Variants in TNKS observed in about 807,000 individuals in gnomAD.
The protein encoded by TNKS is tankyrase, also known as poly [ADP-ribose] polymerase tankyrase-1.
TNKS carries 72 observed loss-of-function variants against 135.8 expected under a neutral mutation model. That is an observed-to-expected ratio of 0.53 (90% CI 0.44 to 0.64). The LOEUF is 0.64. TNKS is among the 30% of genes least tolerant of loss of function. The pLI, the probability that TNKS is intolerant of heterozygous loss-of-function variation, is 0.00. For synonymous variants in TNKS, 849 were observed against 649.3 expected, an observed-to-expected ratio of 1.31 and a Z score of -4.68; for missense variants, 1,769 against 1,674.0, an observed-to-expected ratio of 1.06 and a Z score of -0.99.
intron 2 of TNKS, among the ~76,000 whole-genome samples, chr8:9,590,355 G>C (rs533951804): frequency 1.9e-4 from 29 of 152,270 alleles, no homozygotes; most frequent in Non-Finnish European, 3.8e-4. Context: ...TAATTCATCT[G>C]AGTTGTGCCC....
At chr8:9,693,094 A>G (rs1014303401) in intron 5 of TNKS, among the ~76,000 whole-genome samples, 1 of 152,212 alleles carries the variant, frequency 6.6e-6, no homozygotes, top group African/African-American at 2.4e-5. Context: ...TTAATGGCTA[A>G]TGTAATATTT....
intron 3 of TNKS, among the ~76,000 whole-genome samples, chr8:9,625,220 A>G (rs934655088): frequency 2.0e-5 from 3 of 151,008 alleles, no homozygotes; most frequent in Non-Finnish European, 4.4e-5. Flanking sequence ...AGTTGTTTTT[A>G]GTTTCTTTTT....
intron 3 of TNKS, among the ~76,000 whole-genome samples, chr8:9,665,848 A>C (rs1313290658): frequency 1.1e-4 from 16 of 152,176 alleles, no homozygotes; most frequent in Admixed American, 1.0e-3. Context: ...ATGTTGCCTT[A>C]TGAGTCTCTA....
chr8:9,583,192 T>C (rs1164107282), intron 2 of TNKS, among the ~76,000 whole-genome samples: 1 of 150,736 alleles, frequency 6.6e-6, no homozygotes, highest in Non-Finnish European at 1.5e-5. Flanking sequence ...AAAGTCCATT[T>C]AGAAATCTTG....
rs1192897511 is a variant in TNKS at position 9,748,104 on chromosome 8, T to C, written c.2724T>C (p.His908=). 1.2e-6 allele frequency: 2 copies of C among 1,614,174 alleles called. No individual in the cohort carries two copies. The highest frequency in any genetic ancestry group is 2.2e-5 in the East Asian group (1 of 44,888). Reference sequence around the variant, plus strand: ...ATAAGTGGGCGTTTACTCCCCTCCATGAAGCAGCCCAGAAAGGAAGGACGC... The same window carrying C: ...ATAAGTGGGCGTTTACTCCCCTCCACGAAGCAGCCCAGAAAGGAAGGACGC... ...ATDKWAFTPL[H]EAAQKGRTQL... is the part of the protein sequence containing the mutation. Residue 908 remains histidine, a synonymous_variant, in exon 18 of 27, where the codon CAT becomes CAC. Coordinates refer to ENST00000310430, the MANE Select transcript of TNKS (RefSeq NM_003747.3).
chr8:9,712,174 T>G (rs1395793718), intron 11 of TNKS, among the ~76,000 whole-genome samples: 2 of 152,174 alleles, frequency 1.3e-5, no homozygotes, highest in Non-Finnish European at 2.9e-5. Flanking sequence ...TCAAACTAAT[T>G]ATCAAAAATG....
intron 18 of TNKS, among the ~76,000 whole-genome samples, chr8:9,750,179 C>G (rs990549831): frequency 1.3e-5 from 2 of 152,178 alleles, no homozygotes; most frequent in Non-Finnish European, 2.9e-5. Context: ...GGTAATATAT[C>G]TGTACCTCTA....
intron 18 of TNKS, among the ~76,000 whole-genome samples, chr8:9,749,941 CA>C (rs1388410645): frequency 6.6e-6 from 1 of 152,278 alleles, no homozygotes; most frequent in Middle Eastern, 3.4e-3. Flanking sequence ...CCTTTTAGTC[CA>C]AACTAGTACA....
At chr8:9,614,404 T>A (rs551594151) in intron 2 of TNKS, among the ~76,000 whole-genome samples, 3 of 152,314 alleles carry the variant, frequency 2.0e-5, no homozygotes, top group Admixed American at 2.0e-4. Context: ...CAAAATGTAA[T>A]GTATGAGATG....
At chr8:9,566,566 A>G (rs1797549303) in intron 1 of TNKS, 1 of 149,518 alleles carries the variant, frequency 6.7e-6, no homozygotes, top group African/African-American at 2.5e-5. Context: ...AAGTACATAA[A>G]TATTAATCCT....
chr8:9,669,102 C>T (rs1181339301), intron 3 of TNKS, among the ~76,000 whole-genome samples: 1 of 152,064 alleles, frequency 6.6e-6, no homozygotes, highest in Non-Finnish European at 1.5e-5. Context: ...AGAAAAAGTA[C>T]ATAAATAAAT....
At chr8:9,647,015 G>A (rs1232865878) in intron 3 of TNKS, among the ~76,000 whole-genome samples, 1 of 152,062 alleles carries the variant, frequency 6.6e-6, no homozygotes, top group Non-Finnish European at 1.5e-5. Flanking sequence ...ACTAAAACGT[G>A]GATCAGATTT....
intron 2 of TNKS, among the ~76,000 whole-genome samples, chr8:9,580,808 A>G (rs1228777579): frequency 2.0e-5 from 3 of 152,104 alleles, no homozygotes; most frequent in Non-Finnish European, 4.4e-5. Context: ...TGGGGTTTTG[A>G]GTGTTTTGAA....
At chr8:9,683,105 T>G (rs1802851611) in intron 5 of TNKS, among the ~76,000 whole-genome samples, 1 of 152,048 alleles carries the variant, frequency 6.6e-6, no homozygotes, top group African/African-American at 2.4e-5. Flanking sequence ...TTGAATTGAA[T>G]AATTCCTATT....
In TNKS at chr8:9,735,064, C is replaced by G; in HGVS notation, c.2513C>G (p.Ser838Ter). 6.2e-7 allele frequency: 1 copy of G among 1,614,080 alleles called. No individual in the cohort carries two copies. The highest frequency in any genetic ancestry group is 8.5e-7 in the Non-Finnish European group (1 of 1,179,996). Reference sequence around the variant, plus strand: ...TGCAGAGACACCCAGGGCAGAAATTCAACCCCTCTGCACCTGGCAGGTAAG... The same window carrying G: ...TGCAGAGACACCCAGGGCAGAAATTGAACCCCTCTGCACCTGGCAGGTAAG... The part of the protein sequence containing the change: ...INCRDTQGRN[S>*]TPLHLAAGYN... The change falls in exon 16 of 27, where the codon TCA (serine) becomes TGA (stop). Residue 838 changes from serine (S) to a stop codon, truncating the protein, a stop_gained. Coordinates refer to ENST00000310430, the MANE Select transcript of TNKS (RefSeq NM_003747.3). LOFTEE classifies it high-confidence loss of function.
chr8:9,682,458 A>G (rs1802822589), intron 5 of TNKS, among the ~76,000 whole-genome samples: 1 of 152,062 alleles, frequency 6.6e-6, no homozygotes, highest in Non-Finnish European at 1.5e-5. Flanking sequence ...AATGTATAGA[A>G]CTCATTTATT....
At chr8:9,671,762 A>C (rs923582425) in intron 3 of TNKS, among the ~76,000 whole-genome samples, 4 of 152,348 alleles carry the variant, frequency 2.6e-5, no homozygotes, top group Non-Finnish European at 5.9e-5. Context: ...TACTTCGAAA[A>C]ATGAATAAGA....
At chr8:9,752,373 T>C (rs1806590249) in intron 19 of TNKS, among the ~76,000 whole-genome samples, 171 bp from the exon 20 acceptor site, 1 of 152,170 alleles carries the variant, frequency 6.6e-6, no homozygotes, top group African/African-American at 2.4e-5. Flanking sequence ...TACTTCCCAA[T>C]CAACTTCAGA....
intron 26 of TNKS, 41 bp downstream of exon 26, chr8:9,770,303 A>G: frequency 6.3e-7 from 1 of 1,578,582 alleles, no homozygotes; most frequent in Non-Finnish European, 8.7e-7. Context: ...GTTCACAAAC[A>G]TGTCAATAGA....
Sources: gnomAD v4.1 joint callset for allele counts (sites outside exome capture counted in the v4.1 genomes callset) on GRCh38, gnomAD v4.1.1 for gene constraint, MANE v1.5 for transcripts, NCBI Gene and HGNC (gene_info 2026-07-23, HGNC 2026-07-21) for gene names.